Variants in H2AZ2 observed in about 807,000 individuals in gnomAD.
H2AZ2 encodes H2A.Z variant histone 2.
In H2AZ2, 5 loss-of-function variants were observed where a neutral mutation model predicts 15.5. The ratio of observed to expected loss-of-function variants is 0.32; its 90% CI spans 0.17 to 0.68. The LOEUF is 0.68. Among genes scored for constraint, H2AZ2 ranks in the 30% least tolerant of loss-of-function variants. H2AZ2 has a pLI of 0.72. For missense variants in H2AZ2, 42 were observed against 162.5 expected, an observed-to-expected ratio of 0.26 and a Z score of 4.03; for synonymous variants, 44 against 57.4, an observed-to-expected ratio of 0.77 and a Z score of 1.05.
chr7:44,843,175 A>AAAAAAAAAAAATT, intron 2 of H2AZ2, 102 bp downstream of exon 2: 1 of 281,208 alleles, frequency 3.6e-6, no homozygotes, highest in Non-Finnish European at 6.7e-6. Flanking sequence ...AAAAAAAAAA[A>AAAAAAAAAAAATT]GTCTGTAGTA....
chr7:44,829,765 A>T, downstream of H2AZ2: 1 of 177,458 alleles, frequency 5.6e-6, no homozygotes, highest in South Asian at 1.3e-4. Flanking sequence ...ACTAACTATA[A>T]CCCTTTCACT....
chr7:44,829,936 A>G (rs989050619), downstream of H2AZ2: 1 of 491,982 alleles, frequency 2.0e-6, no homozygotes, highest in East Asian at 3.4e-5. Context: ...TGCAAGGAAA[A>G]GCGCTCTGAA....
At chr7:44,847,579 T>C (rs1793442745) in intron 1 of H2AZ2, among the ~76,000 whole-genome samples, 1 of 152,150 alleles carries the variant, frequency 6.6e-6, no homozygotes, top group Non-Finnish European at 1.5e-5. Flanking sequence ...CAAAGACTTA[T>C]CTAACTTGTA....
At position 44,833,605 on chromosome 7, in the gene H2AZ2, T is replaced by G; in HGVS notation, c.*896A>C. 1.3e-6 allele frequency: 1 copy of G among 775,894 alleles called. No homozygotes were observed. The highest frequency in any genetic ancestry group is 1.6e-6 in the Non-Finnish European group (1 of 638,584). The allele number at this position is 775,894 out of a possible 1,614,324, so 48.1% of individuals were successfully genotyped here. The stretch of plus-strand genomic sequence containing the variant: ...ACCTCAAGTGTTCCACCAGCCTCGG[T>G]CTCCCGAAGTGTTGGGATTACAGGC... On this transcript the variant is annotated 3_prime_UTR_variant, in exon 5 of 5. Transcript: ENST00000308153.
intron 3 of H2AZ2, among the ~76,000 whole-genome samples, chr7:44,840,109 C>T (rs1793238084): frequency 6.7e-6 from 1 of 150,182 alleles, no homozygotes; most frequent in African/African-American, 2.4e-5. Context: ...CAGGAGGATC[C>T]TTTGAACCCA....
rs1793062037 is a variant in H2AZ2 at position 44,834,204 on chromosome 7, T to C, written c.*297A>G. On this transcript the variant is annotated 3_prime_UTR_variant, in exon 5 of 5. Transcript: ENST00000308153. Reference sequence around the variant, plus strand: ...TGAGTAAAATATTTCTAATACATCATGAACAGAACAGTTTTGAGACAAATT... The same window carrying C: ...TGAGTAAAATATTTCTAATACATCACGAACAGAACAGTTTTGAGACAAATT... 1.8e-6 allele frequency: 2 copies of C among 1,135,016 alleles called. No individual in the cohort carries two copies. Among genetic ancestry groups the C allele is most frequent in the Non-Finnish European group, 2.2e-6 (2 of 919,574 alleles). The allele number at this position is 1,135,016 out of a possible 1,614,324, so 70.3% of individuals were successfully genotyped here.
intron 3 of H2AZ2, among the ~76,000 whole-genome samples, chr7:44,838,010 C>T (rs1013332262): frequency 2.7e-5 from 4 of 150,890 alleles, no homozygotes; most frequent in Admixed American, 1.3e-4. Flanking sequence ...CTCGTTCTGT[C>T]GCCAGGCTGG....
chr7:44,847,611 C>T (rs570823029), intron 1 of H2AZ2, among the ~76,000 whole-genome samples: 3 of 152,336 alleles, frequency 2.0e-5, no homozygotes, highest in Middle Eastern at 3.4e-3. Context: ...TGTTTGACCT[C>T]ATTCATACAG....
chr7:44,847,843 G>T, intron 1 of H2AZ2, 126 bp downstream of exon 1: 1 of 1,317,316 alleles, frequency 7.6e-7, no homozygotes, highest in Non-Finnish European at 1.0e-6. Context: ...GGGCGGCGAG[G>T]GGCTCGGCCG....
chr7:44,842,852 G>C (rs1793305794), intron 2 of H2AZ2, among the ~76,000 whole-genome samples: 1 of 151,978 alleles, frequency 6.6e-6, no homozygotes, highest in African/African-American at 2.4e-5. Flanking sequence ...GATTAAAAGG[G>C]TTTCTCAGCC....
rs1307923758 is a variant in H2AZ2, at chr7:44,848,019, G to T, written c.-48C>A. On this transcript the variant is annotated 5_prime_UTR_variant, in exon 1 of 5. Coordinates refer to ENST00000308153, the MANE Select transcript of H2AZ2 (RefSeq NM_012412.5). ...CCGCTCGGCCGCGCGCCCTCCCGCT[G>T]CCGACCCGCGCCGCCGCCGCCGCTC... The T allele has an allele frequency of 8.3e-7, 1 of 1,203,056 alleles. No individual in the cohort carries two copies. The highest frequency in any genetic ancestry group is 1.1e-6 in the Non-Finnish European group (1 of 949,966). 74.5% of individuals were successfully genotyped at this position (1,203,056 alleles called of 1,614,324 possible).
chr7:44,835,485 T>A, intron 4 of H2AZ2, 44 bp downstream of exon 4: 1 of 1,567,834 alleles, frequency 6.4e-7, no homozygotes, highest in South Asian at 1.1e-5. Context: ...GATATATTAG[T>A]CAGAAAGACC....
chr7:44,845,817 T>C (rs1793383804), intron 1 of H2AZ2, among the ~76,000 whole-genome samples: 1 of 152,164 alleles, frequency 6.6e-6, no homozygotes, highest in African/African-American at 2.4e-5. Context: ...AGAAAACTTT[T>C]ATGGTATCAA....
intron 1 of H2AZ2, among the ~76,000 whole-genome samples, chr7:44,845,292 T>C (rs532270446): frequency 6.6e-6 from 1 of 152,292 alleles, no homozygotes; most frequent in Admixed American, 6.5e-5. Flanking sequence ...TATTAGGTAA[T>C]TCAACAAGAG....
intron 3 of H2AZ2, among the ~76,000 whole-genome samples, chr7:44,840,455 A>C (rs1031046869): frequency 2.6e-5 from 4 of 152,122 alleles, no homozygotes; most frequent in Non-Finnish European, 5.9e-5. Context: ...AGCTGACAAG[A>C]TGCATCTCAA....
At chr7:44,845,161 C>T (rs576412040) in intron 1 of H2AZ2, among the ~76,000 whole-genome samples, 2 of 152,026 alleles carry the variant, frequency 1.3e-5, no homozygotes, top group African/African-American at 4.8e-5. Context: ...TCTAATTGCA[C>T]GTCTAAGTGG....
chr7:44,831,863 C>T (rs1418743807), downstream of H2AZ2, among the ~76,000 whole-genome samples: 1 of 152,104 alleles, frequency 6.6e-6, no homozygotes, highest in Non-Finnish European at 1.5e-5. Context: ...TCCAAACCCA[C>T]TATCAATCTT....
chr7:44,841,751 G>C (rs1334290097), intron 2 of H2AZ2, among the ~76,000 whole-genome samples: 1 of 152,166 alleles, frequency 6.6e-6, no homozygotes, highest in Non-Finnish European at 1.5e-5. Flanking sequence ...TTACAGGCAT[G>C]AGCCACTGTG....
intron 3 of H2AZ2, among the ~76,000 whole-genome samples, chr7:44,836,527 C>CT (rs1793127057): frequency 6.6e-6 from 1 of 151,278 alleles, no homozygotes; most frequent in Admixed American, 6.6e-5. Flanking sequence ...AAAATAATTT[C>CT]TTTTTTTTGA....
Sources: gnomAD v4.1 joint callset for allele counts (sites outside exome capture counted in the v4.1 genomes callset) on GRCh38, gnomAD v4.1.1 for gene constraint, MANE v1.5 for transcripts, NCBI Gene and HGNC (gene_info 2026-07-23, HGNC 2026-07-21) for gene names.